NEBL: variants seen among roughly 807,000 people sequenced by gnomAD.
The protein encoded by NEBL is nebulette.
NEBL carries 122 observed loss-of-function variants against 140.2 expected under a neutral mutation model. That is an observed-to-expected ratio of 0.87 (90% CI 0.75 to 1.01). The LOEUF (loss-of-function observed/expected upper bound fraction) is 1.01, where lower values mean the gene tolerates loss of function less well. NEBL is among the 50% of genes least tolerant of loss of function. The probability of loss-of-function intolerance (pLI) is 0.00; values close to 1 mark genes in which losing one functional copy is unlikely to be tolerated. For missense variants in NEBL, 1,365 were observed against 1,231.3 expected, an observed-to-expected ratio of 1.11 and a Z score of -1.62; for synonymous variants, 436 against 398.9, an observed-to-expected ratio of 1.09 and a Z score of -1.11.
At chr10:21,287,045 T>C (rs1441367765) in intron 1 of NEBL, among the ~76,000 whole-genome samples, 1 of 152,094 alleles carries the variant, frequency 6.6e-6, no homozygotes, top group Admixed American at 6.6e-5. Context: ...CTGAGCAGAA[T>C]TCCCTAATAA....
chr10:21,261,926 T>C (rs1483057899), intron 1 of NEBL, among the ~76,000 whole-genome samples: 1 of 152,084 alleles, frequency 6.6e-6, no homozygotes, highest in African/African-American at 2.4e-5. Context: ...AGCAGCCGCC[T>C]GGAGACCATG....
chr10:20,920,463 T>C (rs1222111535), intron 4 of NEBL, among the ~76,000 whole-genome samples: 3 of 152,214 alleles, frequency 2.0e-5, no homozygotes, highest in Non-Finnish European at 4.4e-5. Context: ...TCAAAATGTA[T>C]AAGGCAGATT....
intron 4 of NEBL, among the ~76,000 whole-genome samples, chr10:20,912,679 A>G (rs770583218): frequency 3.3e-5 from 5 of 151,982 alleles, no homozygotes; most frequent in African/African-American, 4.8e-5. Context: ...CGTTGCACCT[A>G]GATTACTCTT....
intron 2 of NEBL, among the ~76,000 whole-genome samples, chr10:21,121,574 G>C (rs1001701073): frequency 3.9e-5 from 6 of 152,156 alleles, no homozygotes; most frequent in African/African-American, 7.2e-5. Context: ...AATGCATTAT[G>C]AAATAATTGT....
At position 21,221,809 on chromosome 10, in the gene NEBL, A is replaced by G. The variant is rs372634906; in HGVS notation, n.348+26112T>C. ...CATGATTTCTTTTCACTTAAAAATAAAAACTTTTTAGCAAGTTACATCAGG... is the reference window on the plus strand; with the variant it reads ...CATGATTTCTTTTCACTTAAAAATAGAAACTTTTTAGCAAGTTACATCAGG... On this transcript the variant is annotated intron_variant and non_coding_transcript_variant, in intron 3 of 8. Transcript: ENST00000675702. Among the ~76,000 whole-genome samples, 56 of 152,296 alleles carry G rather than the reference A, an allele frequency of 3.7e-4. No individual in the cohort carries two copies. In the East Asian group the frequency reaches 4.4e-3, roughly 12 times the overall value.
intron 3 of NEBL, among the ~76,000 whole-genome samples, chr10:21,241,643 T>C (rs764086746): frequency 6.6e-6 from 1 of 152,104 alleles, no homozygotes; most frequent in East Asian, 1.9e-4. Context: ...GAGAAAGACA[T>C]GCAAGATTTT....
At chr10:21,167,193 A>C (rs1374894834) in intron 2 of NEBL, among the ~76,000 whole-genome samples, 1 of 152,222 alleles carries the variant, frequency 6.6e-6, no homozygotes, top group Non-Finnish European at 1.5e-5. Context: ...AGGCAGACCG[A>C]AAGTAAACAC....
At chr10:21,112,581 G>T (rs907021409) in intron 2 of NEBL, among the ~76,000 whole-genome samples, 2 of 132,658 alleles carry the variant, frequency 1.5e-5, no homozygotes, top group African/African-American at 5.8e-5. Flanking sequence ...ACACACTGGG[G>T]CCTGTCGGGG....
chr10:21,034,503 G>T (rs886179733), intron 2 of NEBL, among the ~76,000 whole-genome samples: 2 of 152,160 alleles, frequency 1.3e-5, no homozygotes, highest in African/African-American at 4.8e-5. Context: ...TAGAGCACAG[G>T]ATAAGCCTCC....
rs1465378698 is a variant in NEBL, at chr10:20,889,705, TTAGA to T, written c.258+136_258+139del. ...ATGAGTTAAATGACAGCGCATCACA[TTAGA>T]TAATTATGTAGCTATTACTAACATT... On this transcript the variant is annotated intron_variant, in intron 3 of 27. Coordinates refer to ENST00000377122, the MANE Select transcript of NEBL (RefSeq NM_006393.3). The T allele has an allele frequency of 1.3e-5, 9 of 677,936 alleles. No homozygotes were observed. The Admixed American group carries it at 1.8e-4, about 14-fold the overall frequency. 42.0% of individuals were successfully genotyped at this position (677,936 alleles called of 1,614,324 possible).
chr10:21,191,220 A>C (rs1484576954), intron 3 of NEBL, among the ~76,000 whole-genome samples: 1 of 152,066 alleles, frequency 6.6e-6, no homozygotes, highest in Non-Finnish European at 1.5e-5. Flanking sequence ...TTTAATGAAC[A>C]CTCCTAGGAG....
chr10:20,821,469 C>G (rs1489554716), intron 19 of NEBL, among the ~76,000 whole-genome samples: 1 of 152,102 alleles, frequency 6.6e-6, no homozygotes, highest in South Asian at 2.1e-4. Flanking sequence ...CATTTGCATG[C>G]CCCTTTCTCT....
At chr10:21,239,666 G>C (rs1413234438) in intron 3 of NEBL, among the ~76,000 whole-genome samples, 1 of 152,096 alleles carries the variant, frequency 6.6e-6, no homozygotes, top group Non-Finnish European at 1.5e-5. Context: ...GGGACTGCCA[G>C]TGCAAATGTG....
At chr10:20,970,022 A>G (rs1246036427) in intron 3 of NEBL, among the ~76,000 whole-genome samples, 2 of 152,180 alleles carry the variant, frequency 1.3e-5, no homozygotes, top group Non-Finnish European at 2.9e-5. Context: ...TATCTCTGAG[A>G]TTCAGTTTCC....
In NEBL at chr10:20,985,680, A is replaced by AATAC. The variant is rs572386241; in HGVS notation, c.250-23905_250-23902dup. The stretch of plus-strand genomic sequence containing the variant: ...CTGTTTTAGTTGAAATAAATAAATA[A>AATAC]ATACTATTTATTTATTTCCCACAAT... On this transcript the variant is annotated intron_variant, in intron 3 of 6. Transcript: ENST00000417816. Among the ~76,000 whole-genome samples, 41 of 152,234 alleles carry AATAC rather than the reference A, an allele frequency of 2.7e-4. 1 individual carries two copies. The South Asian group carries it at 7.9e-3, about 29-fold the overall frequency.
At chr10:20,927,467 T>C (rs1466277934) in intron 4 of NEBL, among the ~76,000 whole-genome samples, 2 of 151,916 alleles carry the variant, frequency 1.3e-5, no homozygotes, top group African/African-American at 4.8e-5. Context: ...CATAAAAGAG[T>C]TGACTGTTAG....
chr10:20,979,583 G>T (rs1468659925), intron 3 of NEBL, among the ~76,000 whole-genome samples: 1 of 152,186 alleles, frequency 6.6e-6, no homozygotes, highest in African/African-American at 2.4e-5. Flanking sequence ...GAGTAGAATT[G>T]CATCGTGAAA....
rs373342123 is a variant in NEBL, at chr10:20,812,985, C to A, written c.2347-45G>T. 34 of 1,506,444 alleles carry A rather than the reference C, an allele frequency of 2.3e-5. No individual in the cohort carries two copies. The African/African-American group carries it at 4.4e-4, about 20-fold the overall frequency. The allele number at this position is 1,506,444 out of a possible 1,614,324, so 93.3% of individuals were successfully genotyped here. A position where few individuals can be genotyped will look rare whatever the true frequency, so the allele number is the denominator to read the frequency against. ...CATACTGAATTTTGCGGATAGTTAC[C>A]TCTTTCACAACATTTTTATTAAATG... On this transcript the variant is annotated intron_variant, in intron 23 of 27. Transcript: ENST00000377122.
chr10:20,950,417 C>T (rs1042220082), intron 4 of NEBL, among the ~76,000 whole-genome samples: 2 of 152,202 alleles, frequency 1.3e-5, no homozygotes, highest in Admixed American at 6.5e-5. Flanking sequence ...TGCACTCTAA[C>T]AAGGAGACGC....
Sources: gnomAD v4.1 joint callset for allele counts (sites outside exome capture counted in the v4.1 genomes callset) on GRCh38, gnomAD v4.1.1 for gene constraint, MANE v1.5 for transcripts, NCBI Gene and HGNC (gene_info 2026-07-23, HGNC 2026-07-21) for gene names.